CCDC73: variants seen among roughly 807,000 people sequenced by gnomAD.
The protein encoded by CCDC73 is coiled-coil domain containing 73, also known as coiled-coil domain-containing protein 73.
CCDC73 carries 95 observed loss-of-function variants against 116.5 expected under a neutral mutation model. The observed-to-expected ratio is 0.82, with a 90% CI of 0.69 to 0.97. The LOEUF is 0.97. Ranked by LOEUF, CCDC73 falls within the 50% of genes least tolerant of loss-of-function variation. The pLI is 0.00. For synonymous variants in CCDC73, 398 were observed against 401.3 expected, an observed-to-expected ratio of 0.99 and a Z score of 0.10; for missense variants, 1,066 against 1,206.8, an observed-to-expected ratio of 0.88 and a Z score of 1.73.
rs1855443553 is a variant in CCDC73, at chr11:32,613,670, C to T, written c.2648G>A (p.Arg883Lys). The change falls in exon 16 of 18, where the codon AGG becomes AAG. Residue 883 changes from arginine to lysine, a missense_variant. Coordinates refer to ENST00000335185, the MANE Select transcript of CCDC73 (RefSeq NM_001008391.4). ...TGAAGTTGAAAGATCAAAGGTTGACCTTCCGCTTCTGTTTACTAAATCTCC... is the reference window on the plus strand; with the variant it reads ...TGAAGTTGAAAGATCAAAGGTTGACTTTCCGCTTCTGTTTACTAAATCTCC... ...PSGDLVNRSG[R>K]STFDLSTSDK... The T allele has an allele frequency of 8.1e-6, 13 of 1,614,080 alleles. No homozygotes were observed. Among genetic ancestry groups the T allele is most frequent in the Non-Finnish European group, 1.1e-5 (13 of 1,179,996 alleles).
rs868244407 is a variant in CCDC73, at chr11:32,699,875, A to G, written c.316-550T>C. Among the ~76,000 whole-genome samples, 9 of 25,384 alleles carry G rather than the reference A, an allele frequency of 3.5e-4. No individual in the cohort carries two copies. In the Admixed American group the frequency reaches 4.2e-3, roughly 12 times the overall value. 16.7% of individuals were successfully genotyped at this position (25,384 alleles called of 152,430 possible). A position where few individuals can be genotyped will look rare whatever the true frequency, so the allele number is the denominator to read the frequency against. The stretch of plus-strand genomic sequence containing the variant: ...GCACATGTACCCTAGAACTTAGATT[A>G]AAAAATATATATATATATATATATA... On this transcript the variant is annotated intron_variant, in intron 5 of 17. Coordinates refer to ENST00000335185, the MANE Select transcript of CCDC73 (RefSeq NM_001008391.4).
At chr11:32,765,764 T>C (rs563280502) in intron 1 of CCDC73, among the ~76,000 whole-genome samples, 26 of 152,156 alleles carry the variant, frequency 1.7e-4, no homozygotes, top group Middle Eastern at 3.4e-3. Flanking sequence ...CTGAAAGAAG[T>C]TGAATCTCTG....
At position 32,602,794 on chromosome 11, in the gene CCDC73, G is replaced by A. The variant is rs1855290609; in HGVS notation, c.*17C>T. 2 of 1,498,528 alleles carry A rather than the reference G, an allele frequency of 1.3e-6. No homozygotes were observed. Among genetic ancestry groups the A allele is most frequent in the Non-Finnish European group, 1.8e-6 (2 of 1,105,478 alleles). 92.8% of individuals were successfully genotyped at this position (1,498,528 alleles called of 1,614,324 possible). A position where few individuals can be genotyped will look rare whatever the true frequency, so the allele number is the denominator to read the frequency against. On this transcript the variant is annotated 3_prime_UTR_variant, in exon 18 of 18. Transcript: ENST00000335185. ...ATTTCAGTTACATAATTTCACTACT[G>A]AAAGCACTTATCTACATTATTTTAA...
At chr11:32,724,888 A>G (rs2133339004) in intron 2 of CCDC73, among the ~76,000 whole-genome samples, 1 of 152,358 alleles carries the variant, frequency 6.6e-6, no homozygotes, top group African/African-American at 2.4e-5. Flanking sequence ...ACATGTATCA[A>G]AAACGATGTC....
the CCDC73 span, among the ~76,000 whole-genome samples, chr11:32,821,553 A>G: frequency 9.2e-5 from 14 of 152,226 alleles, no homozygotes; most frequent in Admixed American, 2.0e-4. Context: ...TTTTTAAAAA[A>G]GAAAGAAAAA....
At chr11:32,798,384 C>G (rs1850740886), upstream of CCDC73, among the ~76,000 whole-genome samples, 1 of 152,250 alleles carries the variant, frequency 6.6e-6, no homozygotes, top group Non-Finnish European at 1.5e-5. Context: ...ACCTCAACCT[C>G]CTGGGCCCCA....
chr11:32,642,062 C>T lies in CCDC73; in HGVS notation c.960G>A (p.Glu320=). 6.4e-7 allele frequency: 1 copy of T among 1,561,524 alleles called. No individual in the cohort carries two copies. The highest frequency in any genetic ancestry group is 1.2e-5 in the South Asian group (1 of 80,286). ...TTTCTTTTACCTTCTCCCTTTGCAGCTCATTATCTCTTTCAAGGGTCTGCA... is the reference window on the plus strand; with the variant it reads ...TTTCTTTTACCTTCTCCCTTTGCAGTTCATTATCTCTTTCAAGGGTCTGCA... ...ENNQTLERDN[E]LQREKVKENE... Residue 320 remains glutamate, a synonymous_variant, in exon 13 of 18, where the codon GAG becomes GAA. Transcript: ENST00000335185.
chr11:32,616,588 C>T (rs974024522), intron 14 of CCDC73, among the ~76,000 whole-genome samples: 2 of 152,286 alleles, frequency 1.3e-5, no homozygotes, highest in East Asian at 1.9e-4. Context: ...CCACACTATC[C>T]TCCTGCCTCA....
chr11:32,778,578 G>A (rs956080584), intron 1 of CCDC73, among the ~76,000 whole-genome samples: 3 of 152,068 alleles, frequency 2.0e-5, no homozygotes, highest in Non-Finnish European at 4.4e-5. Context: ...TTGGGAGGCT[G>A]AGGCAGGCGG....
intron 9 of CCDC73, among the ~76,000 whole-genome samples, chr11:32,662,955 C>A (rs1855944656): frequency 6.6e-6 from 1 of 152,176 alleles, no homozygotes; most frequent in South Asian, 2.1e-4. Flanking sequence ...ATCCTTTCCC[C>A]ATTTCTTGTT....
In CCDC73 at chr11:32,602,917, G is replaced by C; in HGVS notation, c.3134C>G (p.Thr1045Arg). 6.2e-7 allele frequency: 1 copy of C among 1,612,322 alleles called. No individual in the cohort carries two copies. The highest frequency in any genetic ancestry group is 8.5e-7 in the Non-Finnish European group (1 of 1,179,028). ...ATTTTCACTTTTATTTAGTTGATTC[G>C]TAATGAGGCTCTGCCAGTCATCATC... Reference protein sequence around the residue: ...SGDDDWQSLITNQLNKSENLL... With the variant: ...SGDDDWQSLIRNQLNKSENLL... The change falls in exon 18 of 18, where the codon ACG becomes AGG. Residue 1045 changes from threonine to arginine, a missense_variant. Thr to Arg is a moderately conservative substitution (Grantham distance 71). Transcript: ENST00000335185.
At chr11:32,796,906 G>A (rs1411337376), upstream of CCDC73, among the ~76,000 whole-genome samples, 3 of 151,052 alleles carry the variant, frequency 2.0e-5, no homozygotes, top group Admixed American at 6.6e-5. Context: ...CAGCTGCTCC[G>A]GACGCTGAGG....
intron 9 of CCDC73, among the ~76,000 whole-genome samples, chr11:32,663,697 T>C (rs935763880): frequency 1.3e-5 from 2 of 152,136 alleles, no homozygotes; most frequent in African/African-American, 4.8e-5. Context: ...ATTGCCCTGG[T>C]CAGAACTTCC....
intron 6 of CCDC73, among the ~76,000 whole-genome samples, chr11:32,685,624 C>T (rs909316336): frequency 6.6e-6 from 1 of 151,796 alleles, no homozygotes; most frequent in Non-Finnish European, 1.5e-5. Context: ...CATTGTAGAC[C>T]TCGTTATGTG....
intron 14 of CCDC73, among the ~76,000 whole-genome samples, chr11:32,617,808 A>T (rs1043571661): frequency 7.9e-5 from 12 of 152,254 alleles, no homozygotes; most frequent in Admixed American, 7.2e-4. Flanking sequence ...CTTACTGAGT[A>T]TGAAGAGTTA....
At chr11:32,703,795 T>C (rs1222749962) in intron 3 of CCDC73, among the ~76,000 whole-genome samples, 2 of 152,240 alleles carry the variant, frequency 1.3e-5, no homozygotes, top group Non-Finnish European at 2.9e-5. Flanking sequence ...ACCTTTTTGG[T>C]GGAAGTTGCA....
At chr11:32,784,557 G>A (rs570788534) in intron 1 of CCDC73, among the ~76,000 whole-genome samples, 1 of 152,158 alleles carries the variant, frequency 6.6e-6, no homozygotes, top group Non-Finnish European at 1.5e-5. Context: ...TCATGGGAAG[G>A]CATTAGATAA....
chr11:32,786,423 TAA>T (rs1385053410), intron 1 of CCDC73, among the ~76,000 whole-genome samples: 4 of 119,904 alleles, frequency 3.3e-5, no homozygotes, highest in African/African-American at 1.3e-4. Flanking sequence ...ATTATTTATA[TAA>T]TTATAATATA....
intron 6 of CCDC73, among the ~76,000 whole-genome samples, chr11:32,686,193 C>T (rs544877910): frequency 1.9e-5 from 2 of 106,338 alleles, no homozygotes; most frequent in South Asian, 3.7e-4. Context: ...ATGCTAGATA[C>T]ACTCTGAGGG....
Sources: gnomAD v4.1 joint callset for allele counts (sites outside exome capture counted in the v4.1 genomes callset) on GRCh38, gnomAD v4.1.1 for gene constraint, MANE v1.5 for transcripts, NCBI Gene and HGNC (gene_info 2026-07-23, HGNC 2026-07-21) for gene names.